Variants in SPART observed in about 807,000 individuals in gnomAD.
SPART encodes spartin, also known as spastic paraplegia 20 (Troyer syndrome).
SPART carries 35 observed loss-of-function variants against 58.7 expected under a neutral mutation model. The ratio of observed to expected loss-of-function variants is 0.60; its 90% CI spans 0.46 to 0.79. The LOEUF (loss-of-function observed/expected upper bound fraction) is 0.79, where lower values mean the gene tolerates loss of function less well. Among genes scored for constraint, SPART ranks in the 30% least tolerant of loss-of-function variants. SPART has a pLI of 0.00. For synonymous variants in SPART, 284 were observed against 280.7 expected, an observed-to-expected ratio of 1.01 and a Z score of -0.12; for missense variants, 730 against 786.1, an observed-to-expected ratio of 0.93 and a Z score of 0.85.
intron 1 of SPART, among the ~76,000 whole-genome samples, chr13:36,341,285 C>T (rs1433833811): frequency 6.6e-6 from 1 of 152,078 alleles, no homozygotes; most frequent in Non-Finnish European, 1.5e-5. Flanking sequence ...ATGCAAGCCA[C>T]ATATGTAATT....
At chr13:36,309,345 T>C (rs939560302) in intron 8 of SPART, among the ~76,000 whole-genome samples, 1 of 152,118 alleles carries the variant, frequency 6.6e-6, no homozygotes, top group Non-Finnish European at 1.5e-5. Context: ...TCAGCCACTT[T>C]TGGGAGATAT....
At chr13:36,325,072 G>C (rs1056053303) in intron 5 of SPART, among the ~76,000 whole-genome samples, 3 of 152,166 alleles carry the variant, frequency 2.0e-5, no homozygotes, top group Non-Finnish European at 4.4e-5. Context: ...AGGCCATCTG[G>C]GCATATACGT....
chr13:36,325,724 T>C (rs1882862824), intron 5 of SPART, among the ~76,000 whole-genome samples: 1 of 152,184 alleles, frequency 6.6e-6, no homozygotes, highest in Admixed American at 6.5e-5. Context: ...TCTGAAGCCC[T>C]TTATAACCAT....
At chr13:36,305,985 C>T (rs1190465348) in intron 8 of SPART, among the ~76,000 whole-genome samples, 1 of 152,192 alleles carries the variant, frequency 6.6e-6, no homozygotes, top group Non-Finnish European at 1.5e-5. Context: ...GGTTTGTGAT[C>T]CCACCGGCTT....
At position 36,320,511 on chromosome 13, in the gene SPART, G is replaced by C. The variant is rs563549051; in HGVS notation, c.1288+6064C>G. On this transcript the variant is annotated intron_variant, in intron 5 of 8. Transcript: ENST00000438666. ...GTACAAGCCACTAGCCTGCCTCTTA[G>C]AACCTCTCATTTCCTTTCCATCGTG... Among the ~76,000 whole-genome samples the C allele has an allele frequency of 9.6e-3, 1,462 of 152,262 alleles. 13 individuals carry two copies. Among genetic ancestry groups the C allele is most frequent in the Non-Finnish European group, 0.015 (1,019 of 68,014 alleles).
chr13:36,340,532 A>G (rs1477314979), intron 1 of SPART, among the ~76,000 whole-genome samples: 3 of 152,124 alleles, frequency 2.0e-5, no homozygotes, highest in Non-Finnish European at 4.4e-5. Context: ...ACAATAGAAG[A>G]AGGAAATTAT....
At chr13:36,330,159 C>T (rs9566086) in intron 3 of SPART, among the ~76,000 whole-genome samples, 25,925 of 152,082 alleles carry the variant, frequency 0.17, 2,806 homozygotes, top group East Asian at 0.51. Context: ...GTCCAGTTAA[C>T]GTAGGGGTGA....
At chr13:36,327,588 A>G (rs1883051884) in intron 4 of SPART, among the ~76,000 whole-genome samples, 1 of 152,182 alleles carries the variant, frequency 6.6e-6, no homozygotes, top group Admixed American at 6.5e-5. Context: ...GGAACAAAAC[A>G]TTATGTTTTA....
At chr13:36,311,278 C>T (rs944194492) in intron 8 of SPART, among the ~76,000 whole-genome samples, 2 of 152,212 alleles carry the variant, frequency 1.3e-5, no homozygotes, top group African/African-American at 4.8e-5. Context: ...TCTCCAGAGA[C>T]AGACCTTAAG....
intron 8 of SPART, among the ~76,000 whole-genome samples, 170 bp from the exon 9 acceptor site, chr13:36,304,802 ACT>A (rs979370089): frequency 3.2e-4 from 48 of 152,138 alleles, no homozygotes; most frequent in African/African-American, 1.1e-3. Flanking sequence ...ATGAAATCAC[ACT>A]CTGTGACAAA....
intron 8 of SPART, among the ~76,000 whole-genome samples, chr13:36,306,013 T>G (rs192512244): frequency 7.4e-4 from 112 of 152,338 alleles, no homozygotes; most frequent in African/African-American, 2.5e-3. Flanking sequence ...CTTGGCTTTT[T>G]TAACCCCAGT....
At chr13:36,343,530 G>A (rs1221584844) in intron 1 of SPART, among the ~76,000 whole-genome samples, 1 of 152,168 alleles carries the variant, frequency 6.6e-6, no homozygotes, top group African/African-American at 2.4e-5. Context: ...AACGCATGAT[G>A]TAAAATGCTG....
At position 36,329,512 on chromosome 13, in the gene SPART, G is replaced by A. The variant is rs1182330479; in HGVS notation, c.1014C>T (p.Asn338=). 2 of 1,614,102 alleles carry A rather than the reference G, an allele frequency of 1.2e-6. No individual in the cohort carries two copies. The highest frequency in any genetic ancestry group is 1.7e-5 in the Admixed American group (1 of 60,020). ...CATTTTCTTCTTCTGCTCTGTTCCA[G>A]TTGGCCTAGAGAATAAAGGTTTAAG... ...RQMSDLRLQA[N]WNRAEEENEF... Residue 338 remains asparagine (N), a synonymous_variant, in exon 4 of 9, where the codon AAC becomes AAT. Coordinates refer to ENST00000438666, the MANE Select transcript of SPART (RefSeq NM_015087.5).
At chr13:36,316,369 C>G (rs1593231084) in intron 5 of SPART, among the ~76,000 whole-genome samples, 1 of 152,242 alleles carries the variant, frequency 6.6e-6, no homozygotes. Context: ...TCCCCTGTGA[C>G]TTGCACATAT....
chr13:36,362,505 A>G lies in SPART; in HGVS notation c.-3+7584T>C, dbSNP rs189770560. On this transcript the variant is annotated intron_variant, in intron 1 of 8. Coordinates refer to the SPART transcript ENST00000355182. ...TTGTTAAGCAACTTGTCCAGTAGTG[A>G]CTCAGTTATTGAAAAAAGTGCATTT... 1.1e-4 allele frequency among the ~76,000 whole-genome samples: 16 copies of G among 152,218 alleles called. No homozygotes were observed. In the East Asian group the frequency reaches 3.1e-3, roughly 29 times the overall value.
chr13:36,321,144 C>A (rs890600929), intron 5 of SPART, among the ~76,000 whole-genome samples: 2 of 152,198 alleles, frequency 1.3e-5, no homozygotes, highest in Non-Finnish European at 2.9e-5. Context: ...AGACACCAGA[C>A]CAACTTAGAC....
chr13:36,319,911 G>A (rs1882190472), intron 5 of SPART, among the ~76,000 whole-genome samples: 2 of 151,964 alleles, frequency 1.3e-5, no homozygotes, highest in South Asian at 4.2e-4. Flanking sequence ...TGCTCTCCCT[G>A]CCAATCTGTC....
intron 1 of SPART, among the ~76,000 whole-genome samples, chr13:36,357,904 AG>A (rs1885683406): frequency 6.6e-6 from 1 of 152,198 alleles, no homozygotes; most frequent in African/African-American, 2.4e-5. Flanking sequence ...TTCCCATTCC[AG>A]AACAGCTAAC....
intron 8 of SPART, among the ~76,000 whole-genome samples, chr13:36,310,461 T>C (rs1306127191): frequency 6.6e-6 from 1 of 152,126 alleles, no homozygotes; most frequent in Non-Finnish European, 1.5e-5. Context: ...ACTCTCACCT[T>C]CAATACCACT....
Sources: allele counts gnomAD v4.1 joint callset (sites outside exome capture counted in the v4.1 genomes callset), GRCh38; gene constraint gnomAD v4.1.1; transcripts MANE v1.5; gene names NCBI Gene and HGNC (gene_info 2026-07-23, HGNC 2026-07-21).